GMDS: variants seen among roughly 807,000 people sequenced by gnomAD.
GMDS encodes GDP-mannose 4,6-dehydratase.
GMDS carries 20 observed loss-of-function variants against 49.9 expected under a neutral mutation model. That is an observed-to-expected ratio of 0.40 (90% CI 0.28 to 0.58). The LOEUF is 0.58. GMDS is among the 20% of genes least tolerant of loss of function. The pLI, the probability that GMDS is intolerant of heterozygous loss-of-function variation, is 0.42. For synonymous variants in GMDS, 177 were observed against 178.6 expected (o/e 0.99, Z 0.07); for missense variants, 362 against 481.4 (o/e 0.75, Z 2.32).
At position 2,098,232 on chromosome 6, in the gene GMDS, T is replaced by A. The variant is rs566086956; in HGVS notation, c.345+17539A>T. ...CACCACCACACCCGGCTAATTTTTA[T>A]ATTTTAGTAGAGATGGTGTTTCGCC... On this transcript the variant is annotated intron_variant, in intron 4 of 10. Transcript: ENST00000380815. Among the ~76,000 whole-genome samples the A allele has an allele frequency of 9.8e-5, 15 of 152,286 alleles. No individual in the cohort carries two copies. The South Asian group carries it at 3.1e-3, about 32-fold the overall frequency.
At chr6:2,185,188 A>C (rs543723249) in intron 1 of GMDS, among the ~76,000 whole-genome samples, 10 of 152,318 alleles carry the variant, frequency 6.6e-5, no homozygotes, top group African/African-American at 2.2e-4. Flanking sequence ...AATGCATCCT[A>C]ATCAGGGAGG....
chr6:1,720,255 C>T (rs1298129011), intron 9 of GMDS, among the ~76,000 whole-genome samples: 1 of 151,984 alleles, frequency 6.6e-6, no homozygotes, highest in Non-Finnish European at 1.5e-5. Context: ...AGGAAAGAAC[C>T]CAGGCTTCAG....
chr6:2,063,185 A>G (rs1038559544), intron 4 of GMDS, among the ~76,000 whole-genome samples: 1 of 152,232 alleles, frequency 6.6e-6, no homozygotes, highest in Admixed American at 6.5e-5. Context: ...GAAAAGTAAG[A>G]AAAAAAGATA....
chr6:2,196,354 A>G (rs958594749), intron 1 of GMDS, among the ~76,000 whole-genome samples: 1 of 152,244 alleles, frequency 6.6e-6, no homozygotes, highest in Admixed American at 6.5e-5. Flanking sequence ...TTTGGTGCCA[A>G]GACCAGAAAG....
At chr6:1,885,319 C>T (rs2113830752) in intron 7 of GMDS, among the ~76,000 whole-genome samples, 1 of 152,274 alleles carries the variant, frequency 6.6e-6, no homozygotes, top group African/African-American at 2.4e-5. Flanking sequence ...GAAAAGCTAT[C>T]TTAGAATAAG....
intron 1 of GMDS, among the ~76,000 whole-genome samples, chr6:2,225,397 CCT>C (rs1046104712): frequency 2.6e-5 from 4 of 152,080 alleles, no homozygotes; most frequent in African/African-American, 9.7e-5. Context: ...AGAGGTGCCC[CCT>C]AACTTGCCCT....
chr6:1,918,942 A>G (rs1346404201), intron 7 of GMDS, among the ~76,000 whole-genome samples: 1 of 152,214 alleles, frequency 6.6e-6, no homozygotes, highest in Non-Finnish European at 1.5e-5. Flanking sequence ...ATCTAGCACA[A>G]CTCAACCTAA....
At chr6:2,000,717 A>C (rs1035793976) in intron 4 of GMDS, among the ~76,000 whole-genome samples, 1 of 152,158 alleles carries the variant, frequency 6.6e-6, no homozygotes, top group Non-Finnish European at 1.5e-5. Context: ...GTTGAAGTGC[A>C]GTGGCACAAT....
At chr6:1,945,417 A>G (rs1332176019) in intron 6 of GMDS, among the ~76,000 whole-genome samples, 1 of 152,104 alleles carries the variant, frequency 6.6e-6, no homozygotes, top group Non-Finnish European at 1.5e-5. Context: ...TTAGGTAATG[A>G]GCAAAAAAAG....
rs1756764155 is a variant in GMDS at position 1,833,320 on chromosome 6, C to T, written c.772-90734G>A. 6.6e-6 allele frequency among the ~76,000 whole-genome samples: 1 copy of T among 151,566 alleles called. No individual in the cohort carries two copies. Among genetic ancestry groups the T allele is most frequent in the African/African-American group, 2.4e-5 (1 of 41,220 alleles). ...GAACAACACTGGACACATCAAATGTCCTCCCTTCCTTCATATGGAAAGCTC... is the reference window on the plus strand; with the variant it reads ...GAACAACACTGGACACATCAAATGTTCTCCCTTCCTTCATATGGAAAGCTC... On this transcript the variant is annotated intron_variant, in intron 7 of 10. Transcript: ENST00000380815. The surrounding 1 kb of genome is among the most constrained non-coding windows in gnomAD (Gnocchi z 4.4).
chr6:2,209,601 A>G (rs1011021592), intron 1 of GMDS, among the ~76,000 whole-genome samples: 1 of 150,928 alleles, frequency 6.6e-6, no homozygotes, highest in African/African-American at 2.5e-5. Flanking sequence ...ACACACACAC[A>G]CACGTTCTCT....
intron 4 of GMDS, among the ~76,000 whole-genome samples, chr6:2,064,989 G>C (rs1050188511): frequency 9.9e-5 from 15 of 152,186 alleles, no homozygotes; most frequent in Non-Finnish European, 2.1e-4. Context: ...GGCTCAAAAA[G>C]ACAGCAGTAA....
At chr6:1,742,434 G>C in intron 8 of GMDS, 34 bp downstream of exon 8, 1 of 1,201,498 alleles carries the variant, frequency 8.3e-7, no homozygotes. Flanking sequence ...ACCTGCCAGA[G>C]AGCTACAAGT....
chr6:1,945,178 T>C (rs1377081271), intron 6 of GMDS, among the ~76,000 whole-genome samples: 1 of 151,980 alleles, frequency 6.6e-6, no homozygotes, highest in Non-Finnish European at 1.5e-5. Context: ...GAATGAAAAA[T>C]GCAAGGAAGA....
chr6:1,951,966 T>A, intron 6 of GMDS: 1 of 983,618 alleles, frequency 1.0e-6, no homozygotes. Context: ...CACAGGGGTT[T>A]CTTTGCTCAA....
At chr6:1,976,613 A>C (rs1764917388) in intron 4 of GMDS, among the ~76,000 whole-genome samples, 1 of 151,602 alleles carries the variant, frequency 6.6e-6, no homozygotes, top group African/African-American at 2.4e-5. Context: ...AACAAACCTG[A>C]TATAAGCATA....
At chr6:2,233,044 G>A (rs1470253266) in intron 1 of GMDS, among the ~76,000 whole-genome samples, 1 of 152,206 alleles carries the variant, frequency 6.6e-6, no homozygotes, top group Non-Finnish European at 1.5e-5. Flanking sequence ...TCCTTCCGGA[G>A]TGATCAAAAA....
intron 4 of GMDS, among the ~76,000 whole-genome samples, chr6:2,066,603 G>C (rs1448265131): frequency 6.9e-6 from 1 of 144,618 alleles, no homozygotes; most frequent in Non-Finnish European, 1.5e-5. Context: ...AAAAAGGCAG[G>C]GGTTGCAATC....
intron 1 of GMDS, among the ~76,000 whole-genome samples, chr6:2,202,270 A>T (rs972605488): frequency 1.6e-4 from 22 of 133,586 alleles, no homozygotes; most frequent in South Asian, 5.1e-4. Context: ...ATCCGAGATG[A>T]AACCATCTAG....
Sources: allele counts gnomAD v4.1 joint callset (sites outside exome capture counted in the v4.1 genomes callset), GRCh38; gene constraint gnomAD v4.1.1; non-coding constraint Gnocchi (gnomAD v3.1); transcripts MANE v1.5; gene names NCBI Gene and HGNC (gene_info 2026-07-23, HGNC 2026-07-21).